Variants in LIN52 observed in about 807,000 individuals in gnomAD.
LIN52 encodes the protein lin-52 DREAM MuvB core complex component.
A neutral mutation model predicts 18.5 loss-of-function variants in LIN52; 4 were observed. That is an observed-to-expected ratio of 0.22 (90% CI 0.11 to 0.49). LIN52 has a LOEUF of 0.49. Ranked by LOEUF, LIN52 falls within the 20% of genes least tolerant of loss-of-function variation. LIN52 has a pLI of 0.97. For missense variants in LIN52, 102 were observed against 139.5 expected (o/e 0.73, Z 1.35); for synonymous variants, 34 against 45.5 (o/e 0.75, Z 1.02).
intron 5 of LIN52, among the ~76,000 whole-genome samples, chr14:74,183,080 T>TA (rs1468317390): frequency 6.7e-6 from 1 of 149,920 alleles, no homozygotes; most frequent in African/African-American, 2.4e-5. Context: ...CATGAAAAGT[T>TA]ACCCTTCTCT....
At chr14:74,148,358 C>A (rs907697512) in intron 5 of LIN52, among the ~76,000 whole-genome samples, 6 of 152,006 alleles carry the variant, frequency 3.9e-5, no homozygotes, top group African/African-American at 1.4e-4. Context: ...ATGTGCTAGA[C>A]CCTGGGTGTC....
intron 5 of LIN52, among the ~76,000 whole-genome samples, chr14:74,108,070 A>G (rs2060907853): frequency 1.3e-5 from 2 of 152,118 alleles, no homozygotes; most frequent in Non-Finnish European, 2.9e-5. Context: ...TACTGGCTTC[A>G]TGTCTCTATG....
At chr14:74,104,249 A>AT (rs1406159709) in intron 5 of LIN52, among the ~76,000 whole-genome samples, 4 of 152,074 alleles carry the variant, frequency 2.6e-5, no homozygotes, top group Admixed American at 6.5e-5. Flanking sequence ...TATAACTACA[A>AT]TTTTTTTAAC....
chr14:74,116,217 C>T (rs749947828), intron 5 of LIN52, among the ~76,000 whole-genome samples: 5 of 152,036 alleles, frequency 3.3e-5, no homozygotes, highest in African/African-American at 9.7e-5. Flanking sequence ...GCATGAGAAT[C>T]GCTTGAACAC....
intron 5 of LIN52, among the ~76,000 whole-genome samples, chr14:74,177,793 A>G (rs1405404608): frequency 6.6e-6 from 1 of 152,000 alleles, no homozygotes; most frequent in Non-Finnish European, 1.5e-5. Context: ...TTATTTATTT[A>G]TTGAGATGGA....
At chr14:74,178,686 C>G (rs2061303767) in intron 5 of LIN52, among the ~76,000 whole-genome samples, 1 of 151,886 alleles carries the variant, frequency 6.6e-6, no homozygotes, top group Non-Finnish European at 1.5e-5. Context: ...TCTCAAATTC[C>G]TGGCCTCAAG....
chr14:74,125,467 G>T (rs926396523), intron 5 of LIN52, among the ~76,000 whole-genome samples: 1 of 151,964 alleles, frequency 6.6e-6, no homozygotes, highest in Non-Finnish European at 1.5e-5. Context: ...GGGGTTGTTT[G>T]TTTTTTTCTT....
At position 74,107,833 on chromosome 14, in the gene LIN52, C is replaced by T. The variant is rs939285947; in HGVS notation, c.283+6595C>T. On this transcript the variant is annotated intron_variant, in intron 5 of 5. Transcript: ENST00000555028. ...ACGGCTAAACCTTGGGACCCTGATA[C>T]ATTTGGTTTTTTTCTCTTTTTTTTG... Among the ~76,000 whole-genome samples the T allele has an allele frequency of 1.1e-4, 17 of 152,274 alleles. No homozygotes were observed. In the East Asian group the frequency reaches 2.5e-3, roughly 22 times the overall value.
At chr14:74,143,026 G>A (rs2061138463) in intron 5 of LIN52, among the ~76,000 whole-genome samples, 1 of 151,400 alleles carries the variant, frequency 6.6e-6, no homozygotes, top group South Asian at 2.1e-4. Flanking sequence ...TTCAGATAAA[G>A]TTTCTTACTA....
chr14:74,127,329 G>A (rs1462223413), intron 5 of LIN52, among the ~76,000 whole-genome samples: 1 of 152,232 alleles, frequency 6.6e-6, no homozygotes, highest in Non-Finnish European at 1.5e-5. Context: ...TGAAGAATGA[G>A]TAGGAGTTAA....
chr14:74,117,862 TAA>T (rs1001928013), intron 5 of LIN52, among the ~76,000 whole-genome samples: 27 of 152,344 alleles, frequency 1.8e-4, no homozygotes, highest in African/African-American at 5.5e-4. Context: ...GGCATATGTA[TAA>T]GAGAAGTATC....
intron 5 of LIN52, among the ~76,000 whole-genome samples, chr14:74,155,814 T>C (rs1021970783): frequency 6.6e-6 from 1 of 152,226 alleles, no homozygotes; most frequent in Non-Finnish European, 1.5e-5. Context: ...CTTTCTCTTG[T>C]ATTAATGCCA....
At chr14:74,188,144 T>C (rs1355102901) in intron 5 of LIN52, among the ~76,000 whole-genome samples, 4 of 152,194 alleles carry the variant, frequency 2.6e-5, no homozygotes, top group Admixed American at 6.5e-5. Flanking sequence ...TGTATGTGCT[T>C]TAAACTAGAA....
At chr14:74,168,524 C>T (rs1258285512) in intron 5 of LIN52, among the ~76,000 whole-genome samples, 2 of 151,656 alleles carry the variant, frequency 1.3e-5, no homozygotes, top group South Asian at 2.1e-4. Context: ...AAAAATTAGC[C>T]AGGCGTGGTG....
intron 2 of LIN52, among the ~76,000 whole-genome samples, chr14:74,095,476 G>A (rs2060805097): frequency 6.6e-6 from 1 of 151,954 alleles, no homozygotes; most frequent in African/African-American, 2.4e-5. Flanking sequence ...TTGCCCTGTT[G>A]CCCAGGCTGA....
At chr14:74,170,283 A>C (rs1048105769) in intron 5 of LIN52, among the ~76,000 whole-genome samples, 3 of 152,210 alleles carry the variant, frequency 2.0e-5, no homozygotes, top group Non-Finnish European at 4.4e-5. Context: ...TCCAGTGAAT[A>C]AATAAATAAA....
At chr14:74,165,762 G>A (rs1470995222) in intron 5 of LIN52, among the ~76,000 whole-genome samples, 1 of 151,900 alleles carries the variant, frequency 6.6e-6, no homozygotes, top group East Asian at 1.9e-4. Flanking sequence ...GCCCACCTCC[G>A]CCTCCCAAAG....
intron 5 of LIN52, among the ~76,000 whole-genome samples, chr14:74,187,480 T>C (rs1417572537): frequency 6.6e-6 from 1 of 152,206 alleles, no homozygotes; most frequent in African/African-American, 2.4e-5. Context: ...TTTGGGGATA[T>C]TTGTTGTACA....
At chr14:74,183,298 A>G (rs368323215) in intron 5 of LIN52, among the ~76,000 whole-genome samples, 65 of 152,062 alleles carry the variant, frequency 4.3e-4, no homozygotes, top group African/African-American at 1.4e-3. Context: ...ACGGGGATTC[A>G]CCATGTTAGC....
Sources: allele counts gnomAD v4.1 joint callset (sites outside exome capture counted in the v4.1 genomes callset), GRCh38; gene constraint gnomAD v4.1.1; transcripts MANE v1.5; gene names NCBI Gene and HGNC (gene_info 2026-07-23, HGNC 2026-07-21).